Variants in ASAP3 observed in about 807,000 individuals in gnomAD.
ASAP3 encodes the protein arf-GAP with SH3 domain, ANK repeat and PH domain-containing protein 3.
In ASAP3, 85 loss-of-function variants were observed where a neutral mutation model predicts 118.2. The ratio of observed to expected loss-of-function variants is 0.72; its 90% CI spans 0.60 to 0.86. The LOEUF (loss-of-function observed/expected upper bound fraction) is 0.86, where lower values mean the gene tolerates loss of function less well. Ranked by LOEUF, ASAP3 falls within the 40% of genes least tolerant of loss-of-function variation. The probability of loss-of-function intolerance (pLI) is 0.00; values close to 1 mark genes in which losing one functional copy is unlikely to be tolerated. For synonymous variants in ASAP3, 432 were observed against 477.4 expected, an observed-to-expected ratio of 0.90 and a Z score of 1.24; for missense variants, 1,026 against 1,175.0, an observed-to-expected ratio of 0.87 and a Z score of 1.85.
chr1:23,482,792 C>CAA (rs568815635), intron 1 of ASAP3, among the ~76,000 whole-genome samples: 1 of 148,300 alleles, frequency 6.7e-6, no homozygotes, highest in Non-Finnish European at 1.5e-5. Context: ...ACTAAAAATA[C>CAA]AAAAAAAAAA....
At chr1:23,447,655 G>A (rs1236122135) in intron 5 of ASAP3, among the ~76,000 whole-genome samples, 1 of 152,208 alleles carries the variant, frequency 6.6e-6, no homozygotes, top group Non-Finnish European at 1.5e-5. Context: ...TGATTCAAGT[G>A]ATGGCAATGA....
intron 4 of ASAP3, among the ~76,000 whole-genome samples, chr1:23,452,018 C>T (rs1641231569): frequency 6.6e-6 from 1 of 152,232 alleles, no homozygotes; most frequent in African/African-American, 2.4e-5. Flanking sequence ...CCAGGCCATA[C>T]AGCAAACCAG....
rs746117218 is a variant in ASAP3, at chr1:23,442,576, C to T, written c.510G>A (p.Val170=). The T allele has an allele frequency of 1.2e-6, 2 of 1,614,172 alleles. No homozygotes were observed. Among genetic ancestry groups the T allele is most frequent in the Non-Finnish European group, 1.7e-6 (2 of 1,180,038 alleles). Reference sequence around the variant, plus strand: ...CCACCTCCCCAGGGATCCCTCCTGTCACCCTGGCCCGATCGCGCTCCTTCT... The same window carrying T: ...CCACCTCCCCAGGGATCCCTCCTGTTACCCTGGCCCGATCGCGCTCCTTCT... The part of the protein sequence containing the change: ...KLEKERDRAR[V]TGGIPGEVAQ... The change falls in exon 6 of 25, where the codon GTG becomes GTA. Residue 170 remains valine (V), a synonymous_variant. Transcript: ENST00000336689.
At chr1:23,483,458 G>A (rs1004282710) in intron 1 of ASAP3, among the ~76,000 whole-genome samples, 1 of 152,202 alleles carries the variant, frequency 6.6e-6, no homozygotes, top group African/African-American at 2.4e-5. Context: ...GGGGAGGGGA[G>A]AGGAGACGAT....
chr1:23,474,693 C>T (rs1281307279), intron 1 of ASAP3, among the ~76,000 whole-genome samples: 2 of 152,182 alleles, frequency 1.3e-5, no homozygotes, highest in Admixed American at 6.5e-5. Flanking sequence ...AAGCGATTCT[C>T]CTGCCTCAGC....
rs774019553 is a variant in ASAP3, at chr1:23,442,625, G to A, written c.474-13C>T. On this transcript the variant is annotated splice_polypyrimidine_tract_variant and intron_variant, in intron 5 of 24. Coordinates refer to ENST00000336689, the MANE Select transcript of ASAP3 (RefSeq NM_017707.4). The stretch of plus-strand genomic sequence containing the variant: ...CTCCAGCTTGGCCCTAGACCCCAAG[G>A]AAAGAGAAGCCTGAACAAGTCTCAC... 5 of 1,612,396 alleles carry A rather than the reference G, an allele frequency of 3.1e-6. No homozygotes were observed. In the South Asian group the frequency reaches 5.5e-5, roughly 18 times the overall value.
At chr1:23,442,073 C>A (rs1435281827) in intron 7 of ASAP3, 113 bp downstream of exon 7, 1 of 1,156,404 alleles carries the variant, frequency 8.6e-7, no homozygotes, top group East Asian at 2.6e-5. Context: ...TATGAAAGTT[C>A]TGCCAAAAAG....
rs1303338211 is a variant in ASAP3, at chr1:23,455,813, T to A, written c.348+68A>T. On this transcript the variant is annotated intron_variant, in intron 3 of 24. Coordinates refer to ENST00000336689, the MANE Select transcript of ASAP3 (RefSeq NM_017707.4). The stretch of plus-strand genomic sequence containing the variant: ...GGGAGAAGGAAGGAAACGGACCCTT[T>A]CCCAGTCAGGTTCTTAAGACCACTA... The A allele has an allele frequency of 5.0e-6, 8 of 1,586,860 alleles. No homozygotes were observed. The Admixed American group carries it at 1.2e-4, about 24-fold the overall frequency.
At position 23,455,919 on chromosome 1, in the gene ASAP3, C is replaced by T. The variant is rs1641366823; in HGVS notation, c.310G>A (p.Val104Met). 1.2e-6 allele frequency: 2 copies of T among 1,614,058 alleles called. No individual in the cohort carries two copies. The highest frequency in any genetic ancestry group is 1.3e-5 in the African/African-American group (1 of 74,928). Residue 104 changes from valine (V) to methionine (M), a missense_variant, in exon 3 of 25, where the codon GTG (valine) becomes ATG (methionine). Physicochemically the swap from Val to Met is conservative, Grantham distance 21. Coordinates refer to ENST00000336689, the MANE Select transcript of ASAP3 (RefSeq NM_017707.4). ...ELSTGFLNLAVFTREVAALFK... is the reference protein window; with the variant it reads ...ELSTGFLNLAMFTREVAALFK... ...AGCGCAGCAACCTCGCGGGTGAACA[C>T]GGCCAAGTTTAGGAAGCCTGTGGAC...
At chr1:23,477,874 G>A (rs931859479) in intron 1 of ASAP3, among the ~76,000 whole-genome samples, 4 of 151,990 alleles carry the variant, frequency 2.6e-5, no homozygotes, top group Admixed American at 6.6e-5. Context: ...CACTGCACCC[G>A]GCTGTGACTT....
rs1405783106 is a variant in ASAP3, at chr1:23,429,833, G to A, written c.*23C>T. 1 of 1,611,186 alleles carries A rather than the reference G, an allele frequency of 6.2e-7. No individual in the cohort carries two copies. The highest frequency in any genetic ancestry group is 2.2e-5 in the East Asian group (1 of 44,830). ...CTCTGAACATTGGGGCCTAGCATGG[G>A]GCATGTGGGGGCCAGCAAGGAGCTA... On this transcript the variant is annotated 3_prime_UTR_variant, in exon 25 of 25. Transcript: ENST00000336689.
chr1:23,455,731 G>T (rs902993332), intron 3 of ASAP3, 150 bp downstream of exon 3: 3 of 923,516 alleles, frequency 3.2e-6, no homozygotes, highest in Admixed American at 2.4e-5. Flanking sequence ...CAAAAGAAGG[G>T]TCAGGGCTGG....
intron 1 of ASAP3, among the ~76,000 whole-genome samples, chr1:23,465,565 A>C (rs1178980972): frequency 2.0e-5 from 3 of 151,418 alleles, no homozygotes; most frequent in Non-Finnish European, 4.4e-5. Flanking sequence ...GCAGACACAC[A>C]ATCTCAGCTC....
chr1:23,455,949 C>T lies in ASAP3; in HGVS notation c.280G>A (p.Glu94Lys). 6.2e-7 allele frequency: 1 copy of T among 1,614,134 alleles called. No individual in the cohort carries two copies. The highest frequency in any genetic ancestry group is 8.5e-7 in the Non-Finnish European group (1 of 1,180,036). ...GNSHLSQNSHELSTGFLNLAV... is the reference protein window; with the variant it reads ...GNSHLSQNSHKLSTGFLNLAV... ...AAGTTTAGGAAGCCTGTGGACAGCTCATGGCTGTTCTGGGACAGGTGGCTG... is the reference window on the plus strand; with the variant it reads ...AAGTTTAGGAAGCCTGTGGACAGCTTATGGCTGTTCTGGGACAGGTGGCTG... Residue 94 changes from glutamate to lysine, a missense_variant, in exon 3 of 25, where the codon GAG becomes AAG. Coordinates refer to ENST00000336689, the MANE Select transcript of ASAP3 (RefSeq NM_017707.4).
intron 1 of ASAP3, among the ~76,000 whole-genome samples, chr1:23,478,019 CT>C (rs1436637631): frequency 6.6e-6 from 1 of 152,220 alleles, no homozygotes; most frequent in Non-Finnish European, 1.5e-5. Flanking sequence ...CCCCCAGGCA[CT>C]ATGCTGGCAG....
At position 23,442,293 on chromosome 1, in the gene ASAP3, A is replaced by G. The variant is rs748672395; in HGVS notation, c.586-22T>C. The G allele has an allele frequency of 2.5e-6, 4 of 1,593,710 alleles. No homozygotes were observed. In the Admixed American group the frequency reaches 5.4e-5, roughly 21 times the overall value. The stretch of plus-strand genomic sequence containing the variant: ...GATACTAGGAGGAGGGCAGGGCAAG[A>G]TACGTGATGTGAGCTGAAGCAGAAT... On this transcript the variant is annotated intron_variant, in intron 6 of 24. Coordinates refer to ENST00000336689, the MANE Select transcript of ASAP3 (RefSeq NM_017707.4).
At chr1:23,484,215 C>G (rs2148671816), upstream of ASAP3, 1 of 1,195,064 alleles carries the variant, frequency 8.4e-7, no homozygotes, top group Admixed American at 4.4e-5. Context: ...CACCGCCGGC[C>G]GGGGGCGCCG....
rs1640655661 is a variant in ASAP3, at chr1:23,436,414, T to G, written c.1571+146A>C. 3.5e-6 allele frequency: 3 copies of G among 845,186 alleles called. No homozygotes were observed. Among genetic ancestry groups the G allele is most frequent in the Middle Eastern group, 2.3e-4 (1 of 4,386 alleles). 52.4% of individuals were successfully genotyped at this position (845,186 alleles called of 1,614,324 possible). A position where few individuals can be genotyped will look rare whatever the true frequency, so the allele number is the denominator to read the frequency against. ...CTGACCTCAAGTGATCCGCCCGCCT[T>G]GGCCTCCCAAAGTGCTGGGATTACA... On this transcript the variant is annotated intron_variant, in intron 16 of 24. Coordinates refer to ENST00000336689, the MANE Select transcript of ASAP3 (RefSeq NM_017707.4). The surrounding 1 kb of genome is among the most constrained non-coding windows in gnomAD (Gnocchi z 4.2).
chr1:23,435,788 G>T, intron 17 of ASAP3, 63 bp downstream of exon 17: 2 of 1,586,574 alleles, frequency 1.3e-6, no homozygotes, highest in Non-Finnish European at 1.7e-6. Context: ...AGCTGGTCCT[G>T]GAGAAGAACT....
Sources: gnomAD v4.1 joint callset for allele counts (sites outside exome capture counted in the v4.1 genomes callset) on GRCh38, gnomAD v4.1.1 for gene constraint, Gnocchi (gnomAD v3.1) non-coding constraint, MANE v1.5 for transcripts, NCBI Gene and HGNC (gene_info 2026-07-23, HGNC 2026-07-21) for gene names.